The following ARL6IP6 variants were observed in gnomAD, a reference collection of about 807,000 sequenced individuals.
ARL6IP6 encodes the protein ARF like GTPase 6 interacting protein 6.
In ARL6IP6, 22 loss-of-function variants were observed where a neutral mutation model predicts 21.5. The ratio of observed to expected loss-of-function variants is 1.02; its 90% CI spans 0.73 to 1.46. ARL6IP6 has a LOEUF of 1.46. Among genes scored for constraint, ARL6IP6 ranks in the 40% most tolerant of loss-of-function variants. The pLI is 0.00. For synonymous variants in ARL6IP6, 164 were observed against 125.3 expected, an observed-to-expected ratio of 1.31 and a Z score of -2.06; for missense variants, 388 against 299.8, an observed-to-expected ratio of 1.29 and a Z score of -2.17.
chr2:152,717,832 T>A, upstream of ARL6IP6: 2 of 1,106,120 alleles, frequency 1.8e-6, no homozygotes, highest in African/African-American at 1.7e-5. Flanking sequence ...CCCACAAACC[T>A]GAGGCCGCCA....
At position 152,718,882 on chromosome 2, in the gene ARL6IP6, GC is replaced by G. The variant is rs1699473822; in HGVS notation, c.259del (p.Arg87AlafsTer44). 1 of 1,613,806 alleles carries G rather than the reference GC, an allele frequency of 6.2e-7. No homozygotes were observed. The highest frequency in any genetic ancestry group is 8.5e-7 in the Non-Finnish European group (1 of 1,179,930). On this transcript the variant is annotated frameshift_variant, in exon 1 of 4. Coordinates refer to ENST00000326446, the MANE Select transcript of ARL6IP6 (RefSeq NM_152522.7). LOFTEE classifies it high-confidence loss of function. ...GNGSPVLPDKRNGIFPAAAGS... is the reference protein window; with the variant it reads ...GNGSPVLPDKXNGIFPAAAGS... ...ACGGGTCGCCCGTTCTGCCCGATAA[GC>G]GCAATGGTATCTTTCCCGCGGCCGC...
rs532272747 is a variant in ARL6IP6 at position 152,718,783 on chromosome 2, C to A, written c.159C>A (p.Arg53=). Residue 53 remains arginine, a synonymous_variant, in exon 1 of 4, where the codon CGC becomes CGA. Coordinates refer to ENST00000326446, the MANE Select transcript of ARL6IP6 (RefSeq NM_152522.7). ...AGGAGGGATGCGACCAAGTGGCCCG[C>A]GACCTGCGGGCGGAGTTCTCGGCTG... The part of the protein sequence containing the change: ...DEEEGCDQVA[R]DLRAEFSAGA... 6.2e-7 allele frequency: 1 copy of A among 1,607,168 alleles called. No homozygotes were observed. The highest frequency in any genetic ancestry group is 1.3e-5 in the African/African-American group (1 of 74,928).
intron 3 of ARL6IP6, among the ~76,000 whole-genome samples, chr2:152,747,637 A>G (rs1251239897): frequency 6.6e-6 from 1 of 151,016 alleles, no homozygotes; most frequent in Non-Finnish European, 1.5e-5. Flanking sequence ...GTGCAGTGGC[A>G]TGATCTTGGC....
chr2:152,759,336 T>C (rs1425657110), intron 3 of ARL6IP6, among the ~76,000 whole-genome samples: 1 of 152,174 alleles, frequency 6.6e-6, no homozygotes, highest in Non-Finnish European at 1.5e-5. Flanking sequence ...TGAAATAATA[T>C]GTATTTTAAG....
At chr2:152,719,369 ATAAT>A (rs1306543640) in intron 1 of ARL6IP6, among the ~76,000 whole-genome samples, 4 of 152,234 alleles carry the variant, frequency 2.6e-5, no homozygotes, top group African/African-American at 9.6e-5. Flanking sequence ...AAAAGTGCAT[ATAAT>A]TAAAATAGGC....
chr2:152,755,999 A>G (rs1489254061), intron 3 of ARL6IP6, among the ~76,000 whole-genome samples: 1 of 152,186 alleles, frequency 6.6e-6, no homozygotes, highest in East Asian at 1.9e-4. Flanking sequence ...AGACTCTATC[A>G]GATATAAGAT....
chr2:152,750,541 AG>A (rs1701280055), intron 3 of ARL6IP6, among the ~76,000 whole-genome samples: 1 of 151,552 alleles, frequency 6.6e-6, no homozygotes, highest in Non-Finnish European at 1.5e-5. Flanking sequence ...AGGAAATGGA[AG>A]GAAATAGAAG....
chr2:152,747,796 C>T (rs1295634315), intron 3 of ARL6IP6, among the ~76,000 whole-genome samples: 1 of 152,092 alleles, frequency 6.6e-6, no homozygotes, highest in Admixed American at 6.5e-5. Flanking sequence ...GTCTCAAACT[C>T]CTGGCTTCAA....
chr2:152,725,571 T>C (rs949598402), intron 2 of ARL6IP6, among the ~76,000 whole-genome samples: 10 of 152,158 alleles, frequency 6.6e-5, no homozygotes, highest in African/African-American at 2.4e-4. Context: ...GCAAAGAAGA[T>C]TGTTGTCCTC....
chr2:152,721,232 C>G (rs1379892475), intron 2 of ARL6IP6, among the ~76,000 whole-genome samples: 3 of 152,154 alleles, frequency 2.0e-5, no homozygotes, highest in African/African-American at 4.8e-5. Context: ...GAAGAGGCTT[C>G]CCACAGCTCT....
At chr2:152,739,755 C>G (rs1439477716) in intron 3 of ARL6IP6, among the ~76,000 whole-genome samples, 2 of 152,192 alleles carry the variant, frequency 1.3e-5, no homozygotes, top group South Asian at 2.1e-4. Context: ...AAAGATATAC[C>G]TGAGACTGGG....
chr2:152,721,243 TCTC>T (rs1225892470), intron 2 of ARL6IP6, among the ~76,000 whole-genome samples: 2 of 152,324 alleles, frequency 1.3e-5, no homozygotes, highest in East Asian at 3.9e-4. Flanking sequence ...CCACAGCTCT[TCTC>T]AGGAATTTAA....
At chr2:152,743,101 A>AATCTGTTCTTTACATC (rs6146967) in intron 3 of ARL6IP6, among the ~76,000 whole-genome samples, 1 of 152,170 alleles carries the variant, frequency 6.6e-6, no homozygotes, top group Non-Finnish European at 1.5e-5. Context: ...GCTAAATCAA[A>AATCTGTTCTTTACATC]AGACTTTCTC....
chr2:152,732,349 T>C (rs925879494), intron 2 of ARL6IP6, among the ~76,000 whole-genome samples: 4 of 152,124 alleles, frequency 2.6e-5, no homozygotes, highest in African/African-American at 9.7e-5. Context: ...CATCAGAGAA[T>C]GTTATCCAAC....
At chr2:152,737,428 A>C (rs964164247) in intron 3 of ARL6IP6, among the ~76,000 whole-genome samples, 7 of 152,192 alleles carry the variant, frequency 4.6e-5, no homozygotes, top group African/African-American at 1.7e-4. Flanking sequence ...ATTAAATTAG[A>C]ATCAATTTAA....
chr2:152,761,438 T>C lies in ARL6IP6; in HGVS notation c.*1598T>C, dbSNP rs1025243164. ...CAAGTAACAGAATCAATTTATCTTC[T>C]CTCCACCACTCTGTATTCCCACGCA... On this transcript the variant is annotated 3_prime_UTR_variant, in exon 4 of 4. Coordinates refer to ENST00000326446, the MANE Select transcript of ARL6IP6 (RefSeq NM_152522.7). 3.3e-5 allele frequency among the ~76,000 whole-genome samples: 5 copies of C among 152,134 alleles called. No homozygotes were observed. Among genetic ancestry groups the C allele is most frequent in the Non-Finnish European group, 7.3e-5 (5 of 68,036 alleles).
intron 3 of ARL6IP6, among the ~76,000 whole-genome samples, chr2:152,755,365 G>A (rs539328282): frequency 2.4e-4 from 37 of 152,174 alleles, no homozygotes; most frequent in Non-Finnish European, 4.4e-4. Flanking sequence ...TGGAGGGCCT[G>A]ACATCCGTCA....
At chr2:152,729,406 T>TC (rs1191026141) in intron 2 of ARL6IP6, among the ~76,000 whole-genome samples, 3 of 152,162 alleles carry the variant, frequency 2.0e-5, no homozygotes, top group Non-Finnish European at 4.4e-5. Context: ...TGATGAATAT[T>TC]GAGCTGTAGA....
intron 3 of ARL6IP6, among the ~76,000 whole-genome samples, chr2:152,739,063 A>G (rs761041336): frequency 2.0e-5 from 3 of 151,770 alleles, no homozygotes; most frequent in Non-Finnish European, 2.9e-5. Context: ...GCTCACTGCA[A>G]GCTCCGCCTC....
Sources: gnomAD v4.1 joint callset for allele counts (sites outside exome capture counted in the v4.1 genomes callset) on GRCh38, gnomAD v4.1.1 for gene constraint, MANE v1.5 for transcripts, NCBI Gene and HGNC (gene_info 2026-07-23, HGNC 2026-07-21) for gene names.